The following ITGA4 variants were observed in gnomAD, a reference collection of about 807,000 sequenced individuals.
ITGA4 encodes the protein integrin subunit alpha 4.
ITGA4 carries 63 observed loss-of-function variants against 133.6 expected under a neutral mutation model. That is an observed-to-expected ratio of 0.47 (90% CI 0.38 to 0.58). ITGA4 has a LOEUF of 0.58. Among genes scored for constraint, ITGA4 ranks in the 20% least tolerant of loss-of-function variants. The pLI, the probability that ITGA4 is intolerant of heterozygous loss-of-function variation, is 0.00. For synonymous variants in ITGA4, 483 were observed against 438.0 expected, an observed-to-expected ratio of 1.10 and a Z score of -1.28; for missense variants, 1,076 against 1,252.7, an observed-to-expected ratio of 0.86 and a Z score of 2.13.
At chr2:181,474,791 A>G (rs759460260) in intron 2 of ITGA4, among the ~76,000 whole-genome samples, 169 bp from the exon 3 acceptor site, 15 of 152,232 alleles carry the variant, frequency 9.9e-5, no homozygotes, top group Non-Finnish European at 2.1e-4. Flanking sequence ...ACCTTGTATT[A>G]GAGAATAATT....
At chr2:181,494,293 A>T (rs982551513) in intron 11 of ITGA4, among the ~76,000 whole-genome samples, 2 of 152,136 alleles carry the variant, frequency 1.3e-5, no homozygotes, top group Admixed American at 6.5e-5. Flanking sequence ...TTGGGCAAGG[A>T]AGTAAATAGA....
intron 17 of ITGA4, among the ~76,000 whole-genome samples, chr2:181,513,548 T>C (rs1686547115): frequency 6.6e-6 from 1 of 152,118 alleles, no homozygotes; most frequent in Non-Finnish European, 1.5e-5. Flanking sequence ...CTATCCTACC[T>C]AGGTCACTAA....
intron 18 of ITGA4, among the ~76,000 whole-genome samples, 185 bp downstream of exon 18, chr2:181,522,526 G>C (rs533696494): frequency 7.9e-5 from 12 of 152,102 alleles, no homozygotes; most frequent in Non-Finnish European, 1.5e-4. Flanking sequence ...AAGTCCAAAG[G>C]CATCAGCCTC....
At chr2:181,524,354 A>G in intron 20 of ITGA4, 104 bp downstream of exon 20, 1 of 628,546 alleles carries the variant, frequency 1.6e-6, no homozygotes, top group Non-Finnish European at 2.7e-6. Context: ...TGTAAGAGAA[A>G]ACTTCTCTTA....
chr2:181,532,515 T>G (rs1422823638), intron 25 of ITGA4, among the ~76,000 whole-genome samples: 7 of 152,076 alleles, frequency 4.6e-5, no homozygotes, highest in Admixed American at 4.6e-4. Context: ...CTGTTTGTAG[T>G]GAATGGGAAT....
In ITGA4 at chr2:181,482,432, C is replaced by T. The variant is rs1404514916; in HGVS notation, c.903+10C>T. On this transcript the variant is annotated intron_variant, in intron 8 of 27. Coordinates refer to ENST00000397033, the MANE Select transcript of ITGA4 (RefSeq NM_000885.6). ...AATGAAAGGTAAAAAGGTAATATGT[C>T]TCTACCTTTAGTATCTCTGTGGGCT... 6 of 1,613,088 alleles carry T rather than the reference C, an allele frequency of 3.7e-6. No individual in the cohort carries two copies. Among genetic ancestry groups the T allele is most frequent in the African/African-American group, 2.7e-5 (2 of 74,856 alleles).
At chr2:181,519,947 T>C (rs1243478125) in intron 17 of ITGA4, among the ~76,000 whole-genome samples, 1 of 152,130 alleles carries the variant, frequency 6.6e-6, no homozygotes, top group Admixed American at 6.6e-5. Context: ...AATACAGACA[T>C]GTACTTACCT....
rs1234312664 is a variant in ITGA4, at chr2:181,458,215, A to G, written c.217A>G (p.Thr73Ala). ...ANRWLLVGAP[T>A]ANWLANASVI... ...CTTTAGGCTCCTAGTGGGTGCGCCC[A>G]CTGCCAACTGGCTCGCCAACGCTTC... The change falls in exon 2 of 28, where the codon ACT becomes GCT. Residue 73 changes from threonine (T) to alanine (A), a missense_variant. By Grantham distance (58) the Thr-to-Ala change is moderately conservative (BLOSUM62 0). Transcript: ENST00000397033. 6.2e-7 allele frequency: 1 copy of G among 1,613,924 alleles called. No individual in the cohort carries two copies. The highest frequency in any genetic ancestry group is 8.5e-7 in the Non-Finnish European group (1 of 1,179,974).
chr2:181,530,773 T>C, intron 24 of ITGA4, 124 bp downstream of exon 24: 2 of 839,872 alleles, frequency 2.4e-6, no homozygotes, highest in Non-Finnish European at 1.9e-6. Flanking sequence ...TTAGGTAGTA[T>C]TCTTGCGTGG....
chr2:181,509,452 T>C (rs2368211), intron 15 of ITGA4, among the ~76,000 whole-genome samples: 148,758 of 152,126 alleles, frequency 0.98, 72,836 homozygotes, highest in Middle Eastern at 1. Flanking sequence ...CATTTTTATT[T>C]TTTTTGTGTT....
chr2:181,487,496 G>A (rs1685948290), intron 10 of ITGA4, among the ~76,000 whole-genome samples: 1 of 152,178 alleles, frequency 6.6e-6, no homozygotes, highest in Non-Finnish European at 1.5e-5. Context: ...CTGCTCCTAT[G>A]CAGCCATCCA....
At chr2:181,498,906 C>CTGTTT (rs1353141499) in intron 15 of ITGA4, 129 bp downstream of exon 15, 22 of 1,338,008 alleles carry the variant, frequency 1.6e-5, no homozygotes, top group African/African-American at 6.0e-5. Flanking sequence ...GAACTATGAC[C>CTGTTT]TGTTGCTCCA....
intron 15 of ITGA4, among the ~76,000 whole-genome samples, chr2:181,499,957 T>G (rs754951996): frequency 3.9e-5 from 6 of 152,160 alleles, no homozygotes; most frequent in Non-Finnish European, 7.3e-5. Flanking sequence ...TTCCTGTAAA[T>G]AAGGGATCAT....
chr2:181,525,148 T>C (rs1574411792), intron 20 of ITGA4, 54 bp from the exon 21 acceptor site: 1 of 1,011,756 alleles, frequency 9.9e-7, no homozygotes, highest in South Asian at 1.3e-5. Flanking sequence ...ATTAGTTCTC[T>C]CTGAAGATTT....
chr2:181,509,629 T>C lies in ITGA4; in HGVS notation c.1696-29T>C, dbSNP rs752834504. On this transcript the variant is annotated intron_variant, in intron 15 of 27. Coordinates refer to ENST00000397033, the MANE Select transcript of ITGA4 (RefSeq NM_000885.6). ...TTTTTAATCTACGTGCTTGTTTTTG[T>C]TAATTCATATGGTGGTTATTTTCCT... 8 of 1,528,946 alleles carry C rather than the reference T, an allele frequency of 5.2e-6. No homozygotes were observed. In the East Asian group the frequency reaches 1.9e-4, roughly 36 times the overall value. 94.7% of individuals were successfully genotyped at this position (1,528,946 alleles called of 1,614,324 possible). A position where few individuals can be genotyped will look rare whatever the true frequency, so the allele number is the denominator to read the frequency against.
rs775782555 is a variant in ITGA4, at chr2:181,531,770, A to G, written c.2778A>G (p.Leu926=). ...AACTGGAAGGCCGGCCATCCATTTTAGAAATGGTAAGTAAGTCTAAAACAT... is the reference window on the plus strand; with the variant it reads ...AACTGGAAGGCCGGCCATCCATTTTGGAAATGGTAAGTAAGTCTAAAACAT... ...HIQLEGRPSI[L]EMDETSALKF... Residue 926 remains leucine (L), a synonymous_variant, in exon 25 of 28, where the codon TTA becomes TTG. Transcript: ENST00000397033. 1 of 1,595,482 alleles carries G rather than the reference A, an allele frequency of 6.3e-7. No individual in the cohort carries two copies. Among genetic ancestry groups the G allele is most frequent in the Admixed American group, 1.8e-5 (1 of 56,084 alleles).
At position 181,493,075 on chromosome 2, in the gene ITGA4, C is replaced by T. The variant is rs551471064; in HGVS notation, c.1154-250C>T. On this transcript the variant is annotated intron_variant, in intron 10 of 27. Coordinates refer to ENST00000397033, the MANE Select transcript of ITGA4 (RefSeq NM_000885.6). ...ACCCCAGTGGTCTGGCTGTAGAGCCCGCGCTCTAATCATTTTGTTACACTG... is the reference window on the plus strand; with the variant it reads ...ACCCCAGTGGTCTGGCTGTAGAGCCTGCGCTCTAATCATTTTGTTACACTG... 3.7e-4 allele frequency: 129 copies of T among 345,248 alleles called. 1 individual carries two copies. Among genetic ancestry groups the T allele is most frequent in the Middle Eastern group, 2.6e-3 (3 of 1,172 alleles). The allele number at this position is 345,248 out of a possible 1,614,324, so 21.4% of individuals were successfully genotyped here.
rs550311663 is a variant in ITGA4, at chr2:181,466,629, C to T, written c.319+8312C>T. 2.2e-4 allele frequency among the ~76,000 whole-genome samples: 33 copies of T among 152,180 alleles called. No homozygotes were observed. The South Asian group carries it at 4.6e-3, about 21-fold the overall frequency. On this transcript the variant is annotated intron_variant, in intron 2 of 27. Coordinates refer to ENST00000397033, the MANE Select transcript of ITGA4 (RefSeq NM_000885.6). ...TTTTTATTGTAGAATTCATAAACAT[C>T]ATTATCTTTTAGAAACATTGCCACC...
intron 23 of ITGA4, among the ~76,000 whole-genome samples, chr2:181,529,880 A>T (rs1161601925): frequency 6.6e-6 from 1 of 152,190 alleles, no homozygotes; most frequent in East Asian, 1.9e-4. Flanking sequence ...TTTAAATAAC[A>T]GAACTATATT....
Sources: allele counts gnomAD v4.1 joint callset (sites outside exome capture counted in the v4.1 genomes callset), GRCh38; gene constraint gnomAD v4.1.1; transcripts MANE v1.5; gene names NCBI Gene and HGNC (gene_info 2026-07-23, HGNC 2026-07-21).